Variants in MED12L observed in about 807,000 individuals in gnomAD.
The protein encoded by MED12L is mediator of RNA polymerase II transcription subunit 12-like protein.
In MED12L, 60 loss-of-function variants were observed where a neutral mutation model predicts 281.3. The observed-to-expected ratio is 0.21, with a 90% confidence interval of 0.17 to 0.26. MED12L has a LOEUF of 0.26. Among genes scored for constraint, MED12L ranks in the 10% least tolerant of loss-of-function variants. The pLI is 1.00. For missense variants in MED12L, 2,146 were observed against 2,680.9 expected (o/e 0.80, Z 4.41); for synonymous variants, 974 against 987.2 (o/e 0.99, Z 0.25).
At chr3:151,269,536 A>G in intron 16 of MED12L, 1 of 303,064 alleles carries the variant, frequency 3.3e-6, no homozygotes, top group East Asian at 9.3e-5. Context: ...GAAGAGGTCA[A>G]AATTGATTGC....
chr3:151,218,583 C>T (rs1363703769), intron 16 of MED12L, among the ~76,000 whole-genome samples: 2 of 151,980 alleles, frequency 1.3e-5, no homozygotes, highest in East Asian at 3.9e-4. Flanking sequence ...AAAAGGAATA[C>T]TGTGGCCGGG....
At chr3:151,181,052 C>A (rs78636372) in intron 11 of MED12L, among the ~76,000 whole-genome samples, 1 of 150,912 alleles carries the variant, frequency 6.6e-6, no homozygotes, top group Non-Finnish European at 1.5e-5. Flanking sequence ...AAAAAAAAAA[C>A]ACTTCTGTTT....
chr3:151,150,913 T>C (rs1259350563), intron 5 of MED12L, among the ~76,000 whole-genome samples: 2 of 152,228 alleles, frequency 1.3e-5, no homozygotes. Flanking sequence ...TGGATTAGGC[T>C]TTTGCCTAAA....
At chr3:151,312,367 A>G (rs578158100) in intron 16 of MED12L, among the ~76,000 whole-genome samples, 26 of 152,340 alleles carry the variant, frequency 1.7e-4, no homozygotes, top group Admixed American at 1.4e-3. Context: ...TATTCTGTTA[A>G]CTTTTTTCTT....
intron 16 of MED12L, chr3:151,326,806 G>A (rs1749654623): frequency 6.6e-6 from 1 of 152,118 alleles, no homozygotes; most frequent in Non-Finnish European, 1.5e-5. Context: ...ACTCCTTTAT[G>A]TATTTTTTCT....
At chr3:151,129,603 A>G (rs1304297617) in intron 5 of MED12L, among the ~76,000 whole-genome samples, 2 of 152,116 alleles carry the variant, frequency 1.3e-5, no homozygotes, top group African/African-American at 4.8e-5. Flanking sequence ...AAGTAGATAC[A>G]ACATGATGTT....
intron 16 of MED12L, among the ~76,000 whole-genome samples, chr3:151,201,894 A>G (rs575678584): frequency 1.3e-5 from 2 of 152,212 alleles, no homozygotes; most frequent in Non-Finnish European, 2.9e-5. Flanking sequence ...TGGTAACATA[A>G]TGTGTTTCTT....
rs746334545 is a variant in MED12L at position 151,294,296 on chromosome 3, A to G, written c.2251-55763A>G. 16 of 1,613,994 alleles carry G rather than the reference A, an allele frequency of 9.9e-6. No individual in the cohort carries two copies. Among genetic ancestry groups the G allele is most frequent in the African/African-American group, 2.7e-5 (2 of 74,938 alleles). On this transcript the variant is annotated intron_variant, in intron 16 of 44. Transcript: ENST00000687756. ...CAGCCTTCTTGAAAATGACCTACAC[A>G]TGAAAAAGTAAATTATTGGATCCAG...
intron 10 of MED12L, 62 bp downstream of exon 10, chr3:151,165,581 T>C: frequency 7.0e-7 from 1 of 1,418,644 alleles, no homozygotes; most frequent in Non-Finnish European, 9.9e-7. Flanking sequence ...GTGTTTTTGC[T>C]TCTTATAAAC....
At chr3:151,152,165 T>C (rs1323578700) in intron 5 of MED12L, among the ~76,000 whole-genome samples, 2 of 125,844 alleles carry the variant, frequency 1.6e-5, no homozygotes, top group African/African-American at 6.0e-5. Context: ...AGTAGAGCAA[T>C]CTGGGCTCAC....
intron 10 of MED12L, 80 bp downstream of exon 10, chr3:151,165,599 C>A: frequency 2.4e-6 from 3 of 1,253,834 alleles, no homozygotes; most frequent in African/African-American, 1.5e-5. Context: ...AACCATTCCA[C>A]ATGAATAAGG....
At chr3:151,265,856 T>C (rs1739726718) in intron 16 of MED12L, among the ~76,000 whole-genome samples, 1 of 152,200 alleles carries the variant, frequency 6.6e-6, no homozygotes, top group Admixed American at 6.5e-5. Flanking sequence ...TGGAAGGGTC[T>C]CTTGGTCCTT....
chr3:151,225,279 G>A (rs1577028063), intron 16 of MED12L, among the ~76,000 whole-genome samples: 1 of 152,162 alleles, frequency 6.6e-6, no homozygotes, highest in South Asian at 2.1e-4. Flanking sequence ...CTTAGCTCCT[G>A]TGTTAGTCTA....
intron 2 of MED12L, among the ~76,000 whole-genome samples, chr3:151,103,234 T>G (rs1210559960): frequency 6.6e-6 from 1 of 152,232 alleles, no homozygotes; most frequent in Non-Finnish European, 1.5e-5. Flanking sequence ...TCCTGCAGTT[T>G]CCTAGATTTT....
intron 16 of MED12L, among the ~76,000 whole-genome samples, chr3:151,218,695 T>C (rs1279159219): frequency 6.6e-6 from 1 of 151,618 alleles, no homozygotes; most frequent in Non-Finnish European, 1.5e-5. Flanking sequence ...GATGAAACCC[T>C]GCCTCTACTA....
chr3:151,165,562 CT>C, intron 10 of MED12L, 43 bp downstream of exon 10: 2 of 1,501,442 alleles, frequency 1.3e-6, no homozygotes, highest in Middle Eastern at 1.7e-4. Flanking sequence ...GAATGTTGGA[CT>C]TTATGCTGTG....
chr3:151,369,282 A>T (rs1479890525), intron 25 of MED12L, among the ~76,000 whole-genome samples, 154 bp from the exon 26 acceptor site: 1 of 152,228 alleles, frequency 6.6e-6, no homozygotes, highest in Non-Finnish European at 1.5e-5. Flanking sequence ...AATACTGGCC[A>T]TGTTTCTTAG....
Position 151,435,573 on chromosome 3 carries a change from A to G in MED12L, c.*2769A>G, listed in dbSNP as rs544526842. ...GTAATTCTCGGTTTTGTGCACTGAGATATCTAAGACCTATGGCATTTTTTT... is the reference window on the plus strand; with the variant it reads ...GTAATTCTCGGTTTTGTGCACTGAGGTATCTAAGACCTATGGCATTTTTTT... On this transcript the variant is annotated 3_prime_UTR_variant, in exon 45 of 45. Coordinates refer to ENST00000687756, the MANE Select transcript of MED12L (RefSeq NM_001393769.1). 17 of 152,264 alleles carry G rather than the reference A, an allele frequency of 1.1e-4. No homozygotes were observed. The highest frequency in any genetic ancestry group is 8.3e-4 in the South Asian group (4 of 4,828). 9.4% of individuals were successfully genotyped at this position (152,264 alleles called of 1,614,324 possible).
At chr3:151,182,021 T>A (rs976252551) in intron 11 of MED12L, among the ~76,000 whole-genome samples, 5 of 152,178 alleles carry the variant, frequency 3.3e-5, no homozygotes, top group African/African-American at 9.7e-5. Context: ...TTAGCTAAAT[T>A]ATTTTTTTTA....
Sources: gnomAD v4.1 joint callset for allele counts (sites outside exome capture counted in the v4.1 genomes callset) on GRCh38, gnomAD v4.1.1 for gene constraint, MANE v1.5 for transcripts, NCBI Gene and HGNC (gene_info 2026-07-23, HGNC 2026-07-21) for gene names.